AGAP1: variants seen among roughly 807,000 people sequenced by gnomAD.
The protein encoded by AGAP1 is arf-GAP with GTPase, ANK repeat and PH domain-containing protein 1.
A neutral mutation model predicts 105.3 loss-of-function variants in AGAP1; 29 were observed. That is an observed-to-expected ratio of 0.28 (90% CI 0.21 to 0.38). AGAP1 has a LOEUF of 0.38. AGAP1 is among the 10% of genes least tolerant of loss of function. The pLI, the probability that AGAP1 is intolerant of heterozygous loss-of-function variation, is 1.00. For synonymous variants in AGAP1, 509 were observed against 485.9 expected, an observed-to-expected ratio of 1.05 and a Z score of -0.63; for missense variants, 998 against 1,165.1, an observed-to-expected ratio of 0.86 and a Z score of 2.09.
intron 1 of AGAP1, among the ~76,000 whole-genome samples, chr2:235,590,911 C>T (rs370379515): frequency 1.3e-4 from 19 of 150,966 alleles, no homozygotes; most frequent in South Asian, 2.1e-4. Flanking sequence ...TTAGTAGAGA[C>T]GGGGTTTCAC....
intron 1 of AGAP1, among the ~76,000 whole-genome samples, chr2:235,636,149 A>AAATT (rs1458451061): frequency 1.3e-5 from 2 of 151,198 alleles, no homozygotes; most frequent in Non-Finnish European, 2.9e-5. Flanking sequence ...ATAAATAAAT[A>AAATT]AATAAAGTCT....
intron 16 of AGAP1, among the ~76,000 whole-genome samples, chr2:236,086,973 G>A (rs995131462): frequency 2.0e-5 from 3 of 151,688 alleles, no homozygotes; most frequent in Non-Finnish European, 2.9e-5. Context: ...CTGAACAGTG[G>A]GGGAAAAAAG....
At chr2:236,117,387 G>A (rs187200615) in intron 16 of AGAP1, among the ~76,000 whole-genome samples, 670 of 152,332 alleles carry the variant, frequency 4.4e-3, no homozygotes, top group Non-Finnish European at 5.5e-3. Flanking sequence ...GGATGAGGTT[G>A]CCTATGAGGT....
Position 235,631,820 on chromosome 2 carries a change from T to C in AGAP1, c.164-77359T>C, listed in dbSNP as rs1946839419. On this transcript the variant is annotated intron_variant, in intron 1 of 17. Transcript: ENST00000304032. This position sits in a 1 kb window ranked among gnomAD's most constrained non-coding sequence, Gnocchi z 5.4. ...ACGGTCTCCTCGGCTGGGTGGCCCT[T>C]CCTGCTGTCAGGTGTGGCCACTCTC... Among the ~76,000 whole-genome samples, 1 of 152,238 alleles carries C rather than the reference T, an allele frequency of 6.6e-6. No homozygotes were observed. Among genetic ancestry groups the C allele is most frequent in the Non-Finnish European group, 1.5e-5 (1 of 68,040 alleles).
Position 235,785,524 on chromosome 2 carries a change from ATCT to A in AGAP1, c.674-12231_674-12229del, listed in dbSNP as rs528185716. Among the ~76,000 whole-genome samples, 5 of 151,910 alleles carry A rather than the reference ATCT, an allele frequency of 3.3e-5. No individual in the cohort carries two copies. In the South Asian group the frequency reaches 1.0e-3, roughly 32 times the overall value. Reference sequence around the variant, plus strand: ...CGTCTCCTGTTCCTCATTTATCTTGATCTTCTCATCTTTTTTTCTTTATAATTT... The same window carrying A: ...CGTCTCCTGTTCCTCATTTATCTTGATCTCATCTTTTTTTCTTTATAATTT... On this transcript the variant is annotated intron_variant, in intron 6 of 17. Coordinates refer to ENST00000304032, the MANE Select transcript of AGAP1 (RefSeq NM_001037131.3).
chr2:235,924,531 G>T (rs114901224), intron 11 of AGAP1, among the ~76,000 whole-genome samples: 1 of 152,120 alleles, frequency 6.6e-6, no homozygotes, highest in Non-Finnish European at 1.5e-5. Flanking sequence ...CTGCATACCG[G>T]GTCCCATCTT....
intron 16 of AGAP1, among the ~76,000 whole-genome samples, chr2:236,116,500 C>T (rs907756800): frequency 1.3e-5 from 2 of 151,982 alleles, no homozygotes; most frequent in African/African-American, 4.8e-5. Context: ...CAGGCACCTG[C>T]CACCACACCG....
At position 235,981,450 on chromosome 2, in the gene AGAP1, T is replaced by TACACACACAC. The variant is rs10639320; in HGVS notation, c.1645+12842_1645+12851dup. On this transcript the variant is annotated intron_variant, in intron 13 of 17. Transcript: ENST00000304032. The surrounding 1 kb of genome is among the most constrained non-coding windows in gnomAD (Gnocchi z 5.5). ...AATTTCTAAGTTCATGTTCCATGCG[T>TACACACACAC]ACACACACACACACACACACACACG... Among the ~76,000 whole-genome samples, 2 of 149,180 alleles carry TACACACACAC rather than the reference T, an allele frequency of 1.3e-5. No individual in the cohort carries two copies. Among genetic ancestry groups the TACACACACAC allele is most frequent in the African/African-American group, 4.9e-5 (2 of 40,712 alleles).
At chr2:235,810,612 C>T (rs550270197) in intron 9 of AGAP1, among the ~76,000 whole-genome samples, 1 of 152,310 alleles carries the variant, frequency 6.6e-6, no homozygotes, top group African/African-American at 2.4e-5. Flanking sequence ...ATACCTCGTT[C>T]GCTGTAAGCA....
intron 6 of AGAP1, chr2:235,774,010 G>A (rs1166052601): frequency 1.1e-5 from 5 of 467,552 alleles, no homozygotes; most frequent in Non-Finnish European, 2.2e-5. Flanking sequence ...AATAAAACAG[G>A]ACCAAGAGAT....
rs1376726160 is a variant in AGAP1 at position 236,113,969 on chromosome 2, C to T, written c.2115-6223C>T. ...TTTCTTTTTATTTTGGGGATTGGGT[C>T]AGTGCCTTTCTTCTGATGAGTCGCC... On this transcript the variant is annotated intron_variant, in intron 16 of 17. Transcript: ENST00000304032. The surrounding 1 kb of genome is among the most constrained non-coding windows in gnomAD (Gnocchi z 4.3). 1.3e-5 allele frequency among the ~76,000 whole-genome samples: 2 copies of T among 152,138 alleles called. No individual in the cohort carries two copies. Among genetic ancestry groups the T allele is most frequent in the Admixed American group, 6.6e-5 (1 of 15,266 alleles).
chr2:236,106,954 C>T (rs1290388063), intron 16 of AGAP1, among the ~76,000 whole-genome samples: 1 of 151,744 alleles, frequency 6.6e-6, no homozygotes, highest in Non-Finnish European at 1.5e-5. Flanking sequence ...GATGTGTCAA[C>T]GTGGGAAGCT....
At position 235,855,245 on chromosome 2, in the gene AGAP1, T is replaced by A. The variant is rs2048638526; in HGVS notation, c.1051-28100T>A. On this transcript the variant is annotated intron_variant, in intron 9 of 17. Transcript: ENST00000304032. The surrounding 1 kb of genome is among the most constrained non-coding windows in gnomAD (Gnocchi z 5.0). ...GGCGCACGGAAATGGAAGCGTGAGG[T>A]CATCCCTGTGATCAGTAACAAAAGT... Among the ~76,000 whole-genome samples the A allele has an allele frequency of 6.6e-6, 1 of 152,136 alleles. No homozygotes were observed. Among genetic ancestry groups the A allele is most frequent in the East Asian group, 1.9e-4 (1 of 5,190 alleles).
intron 16 of AGAP1, among the ~76,000 whole-genome samples, chr2:236,107,735 C>T (rs1391840121): frequency 6.6e-6 from 1 of 152,232 alleles, no homozygotes; most frequent in Admixed American, 6.5e-5. Context: ...ATCAGGAAAA[C>T]CTGGCTGGGG....
In AGAP1 at chr2:236,054,553, A is replaced by G. The variant is rs894590570; in HGVS notation, c.2114+5272A>G. On this transcript the variant is annotated intron_variant, in intron 16 of 17. Coordinates refer to ENST00000304032, the MANE Select transcript of AGAP1 (RefSeq NM_001037131.3). ...AAAAAAGGACTTTGCCGCGATGACC[A>G]GAGTCCATCTGCAGTTGGGTGGCAT... Among the ~76,000 whole-genome samples the G allele has an allele frequency of 4.6e-5, 7 of 151,884 alleles. No individual in the cohort carries two copies. In the East Asian group the frequency reaches 5.8e-4, roughly 13 times the overall value.
chr2:235,586,172 A>G lies in AGAP1; in HGVS notation c.163+91323A>G, dbSNP rs1215685867. Reference sequence around the variant, plus strand: ...GTCGGCCATTGTCTCCGTGTAAGTCAACACTACCTTGTGTGTGTGCGCATA... The same window carrying G: ...GTCGGCCATTGTCTCCGTGTAAGTCGACACTACCTTGTGTGTGTGCGCATA... On this transcript the variant is annotated intron_variant, in intron 1 of 17. Coordinates refer to ENST00000304032, the MANE Select transcript of AGAP1 (RefSeq NM_001037131.3). This position sits in a 1 kb window ranked among gnomAD's most constrained non-coding sequence, Gnocchi z 4.2. Among the ~76,000 whole-genome samples, 1 of 152,166 alleles carries G rather than the reference A, an allele frequency of 6.6e-6. No individual in the cohort carries two copies. Among genetic ancestry groups the G allele is most frequent in the Non-Finnish European group, 1.5e-5 (1 of 68,030 alleles).
At position 236,087,154 on chromosome 2, in the gene AGAP1, T is replaced by C. The variant is rs1421417349; in HGVS notation, c.2115-33038T>C. ...CTGAAAAGGAAGAAGGCCCATTTGC[T>C]TCTGGGAATCCAATAAATTGTTTCA... On this transcript the variant is annotated intron_variant, in intron 16 of 17. Transcript: ENST00000304032. The surrounding 1 kb of genome is among the most constrained non-coding windows in gnomAD (Gnocchi z 5.7). 6.6e-6 allele frequency among the ~76,000 whole-genome samples: 1 copy of C among 152,172 alleles called. No homozygotes were observed. The highest frequency in any genetic ancestry group is 2.4e-5 in the African/African-American group (1 of 41,450).
At position 235,719,635 on chromosome 2, in the gene AGAP1, T is replaced by G. The variant is rs1159482956; in HGVS notation, c.310+1991T>G. On this transcript the variant is annotated intron_variant, in intron 3 of 17. Coordinates refer to ENST00000304032, the MANE Select transcript of AGAP1 (RefSeq NM_001037131.3). This position sits in a 1 kb window ranked among gnomAD's most constrained non-coding sequence, Gnocchi z 4.9. ...GAGCGTGGGTGAGTACCTTCCTTTC[T>G]TCATCTGCAAAGTGGAAGTAGCTCA... Among the ~76,000 whole-genome samples, 1 of 152,246 alleles carries G rather than the reference T, an allele frequency of 6.6e-6. No individual in the cohort carries two copies. The highest frequency in any genetic ancestry group is 1.5e-5 in the Non-Finnish European group (1 of 68,042).
chr2:235,773,588 G>A (rs1261949890), intron 6 of AGAP1, among the ~76,000 whole-genome samples: 1 of 152,234 alleles, frequency 6.6e-6, no homozygotes, highest in Non-Finnish European at 1.5e-5. Flanking sequence ...GTTCTAGGAA[G>A]TCAGCGTGAA....
Sources: allele counts gnomAD v4.1 joint callset (sites outside exome capture counted in the v4.1 genomes callset), GRCh38; gene constraint gnomAD v4.1.1; non-coding constraint Gnocchi (gnomAD v3.1); transcripts MANE v1.5; gene names NCBI Gene and HGNC (gene_info 2026-07-23, HGNC 2026-07-21).